RGSL1: variants seen among roughly 807,000 people sequenced by gnomAD.
The protein encoded by RGSL1 is regulator of G protein signaling protein-like.
A neutral mutation model predicts 124.7 loss-of-function variants in RGSL1; 97 were observed. The ratio of observed to expected loss-of-function variants is 0.78; its 90% CI spans 0.66 to 0.92. The LOEUF is 0.92. RGSL1 is among the 40% of genes least tolerant of loss of function. The pLI is 0.00. For synonymous variants in RGSL1, 424 were observed against 438.1 expected (o/e 0.97, Z 0.40); for missense variants, 1,233 against 1,288.4 (o/e 0.96, Z 0.66).
intron 6 of RGSL1, among the ~76,000 whole-genome samples, chr1:182,487,770 A>G (rs1384719267): frequency 2.0e-5 from 3 of 152,198 alleles, no homozygotes; most frequent in Non-Finnish European, 2.9e-5. Flanking sequence ...GCATTTGTCA[A>G]ATGAATGAAT....
At chr1:182,530,709 C>T in intron 12 of RGSL1, 81 bp from the exon 13 acceptor site, 1 of 1,402,042 alleles carries the variant, frequency 7.1e-7, no homozygotes, top group Non-Finnish European at 9.4e-7. Flanking sequence ...CCTCCAGAAG[C>T]TGAGGTAGGT....
chr1:182,509,532 G>T (rs1657172805), intron 9 of RGSL1, among the ~76,000 whole-genome samples: 1 of 105,570 alleles, frequency 9.5e-6, no homozygotes, highest in Admixed American at 8.0e-5. Flanking sequence ...AGCTGGCCGG[G>T]TGGGGGGGCT....
chr1:182,556,152 A>G lies in RGSL1; in HGVS notation c.*95A>G. 2 of 1,245,036 alleles carry G rather than the reference A, an allele frequency of 1.6e-6. No homozygotes were observed. The highest frequency in any genetic ancestry group is 2.3e-6 in the Non-Finnish European group (2 of 888,414). 77.1% of individuals were successfully genotyped at this position (1,245,036 alleles called of 1,614,324 possible). ...GTCAAAAATGAAAGGTCCTGGTACC[A>G]TCTTCCCCAGAAACGATCAAGAAGG... On this transcript the variant is annotated 3_prime_UTR_variant, in exon 21 of 22. Transcript: ENST00000294854.
chr1:182,526,427 G>A (rs1440029840), intron 10 of RGSL1, among the ~76,000 whole-genome samples: 1 of 152,152 alleles, frequency 6.6e-6, no homozygotes, highest in African/African-American at 2.4e-5. Context: ...CGGCACTATG[G>A]GAAGCTGAGG....
At chr1:182,509,843 G>T (rs1179450618) in intron 9 of RGSL1, among the ~76,000 whole-genome samples, 9 of 138,470 alleles carry the variant, frequency 6.5e-5, no homozygotes, top group African/African-American at 1.9e-4. Context: ...CCTCCCGGAC[G>T]GGGTGGCTGC....
intron 2 of RGSL1, among the ~76,000 whole-genome samples, chr1:182,455,318 A>G (rs970494559): frequency 3.3e-5 from 5 of 152,226 alleles, no homozygotes; most frequent in Non-Finnish European, 7.3e-5. Context: ...ACGGTGGCTC[A>G]TGCCTGTAAC....
chr1:182,505,462 A>G (rs1037733611), intron 9 of RGSL1, among the ~76,000 whole-genome samples: 2 of 152,062 alleles, frequency 1.3e-5, no homozygotes, highest in Non-Finnish European at 2.9e-5. Flanking sequence ...GACTTTCCCT[A>G]GTTGTCATAA....
intron 15 of RGSL1, among the ~76,000 whole-genome samples, chr1:182,544,359 G>C (rs1179392325): frequency 6.6e-6 from 1 of 152,018 alleles, no homozygotes; most frequent in African/African-American, 2.4e-5. Context: ...ATCATGGTCA[G>C]ATAGGATTCT....
chr1:182,509,872 A>C (rs1316683819), intron 9 of RGSL1, among the ~76,000 whole-genome samples: 2 of 135,972 alleles, frequency 1.5e-5, no homozygotes, highest in Non-Finnish European at 3.2e-5. Flanking sequence ...GACGCTCCTC[A>C]CTTCCCAGAT....
intron 10 of RGSL1, among the ~76,000 whole-genome samples, chr1:182,527,284 T>C (rs748103897): frequency 2.0e-5 from 3 of 152,190 alleles, no homozygotes; most frequent in Non-Finnish European, 4.4e-5. Context: ...GGAGTCGTTT[T>C]GAACCCATAA....
chr1:182,549,283 A>ATC (rs1221252830), intron 17 of RGSL1: 1 of 156,400 alleles, frequency 6.4e-6, no homozygotes, highest in Non-Finnish European at 1.4e-5. Flanking sequence ...CAGTTGCTAG[A>ATC]TACTCCAATT....
chr1:182,508,666 CTATTTGTTT>C (rs1558336131), intron 9 of RGSL1, among the ~76,000 whole-genome samples: 1 of 39,800 alleles, frequency 2.5e-5, no homozygotes, highest in African/African-American at 1.0e-4. Context: ...TACCTATTGA[CTATTTGTTT>C]TTTTTTTTTT....
chr1:182,501,302 C>CTTTTTTTTTTTTTT, intron 9 of RGSL1, among the ~76,000 whole-genome samples: 1 of 54,276 alleles, frequency 1.8e-5, no homozygotes, highest in Middle Eastern at 0.011. Flanking sequence ...TTTCTTTTTT[C>CTTTTTTTTTTTTTT]TTTTCTTTTT....
At position 182,489,094 on chromosome 1, in the gene RGSL1, G is replaced by A. The variant is rs1383111421; in HGVS notation, c.1609G>A (p.Ala537Thr). ...GTCTCTAGAGTTAAGCCAGGCTTTG[G>A]CTGACATGAAGGAAATGGACTATAG... ...QQSLELSQAL[A>T]DMKEMDYRQW... Residue 537 changes from alanine (A) to threonine (T), a missense_variant, in exon 8 of 22, where the codon GCT becomes ACT. Transcript: ENST00000294854. 6.4e-7 allele frequency: 1 copy of A among 1,551,650 alleles called. No homozygotes were observed. The highest frequency in any genetic ancestry group is 2.0e-5 in the Admixed American group (1 of 51,008).
chr1:182,502,195 C>T (rs537967062), intron 9 of RGSL1, among the ~76,000 whole-genome samples: 68 of 152,114 alleles, frequency 4.5e-4, no homozygotes, highest in African/African-American at 1.6e-3. Flanking sequence ...TTTTTGTTGA[C>T]GGTCTCTATT....
intron 9 of RGSL1, chr1:182,507,344 A>G (rs1656893535): frequency 1.3e-5 from 2 of 152,102 alleles, no homozygotes; most frequent in South Asian, 2.1e-4. Flanking sequence ...ATCAAACCAT[A>G]TATTTATACT....
chr1:182,477,708 T>TCCAG (rs1654405119), intron 6 of RGSL1, among the ~76,000 whole-genome samples: 1 of 152,142 alleles, frequency 6.6e-6, no homozygotes, highest in African/African-American at 2.4e-5. Context: ...CAGGTGCAGC[T>TCCAG]CCAGCTTCAC....
intron 6 of RGSL1, among the ~76,000 whole-genome samples, chr1:182,486,800 C>T (rs1288813515): frequency 6.6e-6 from 1 of 152,158 alleles, no homozygotes; most frequent in Non-Finnish European, 1.5e-5. Context: ...CTCAGCCTCC[C>T]AAGTAGCTGG....
chr1:182,459,087 G>A (rs905124108), intron 3 of RGSL1, among the ~76,000 whole-genome samples: 1 of 152,174 alleles, frequency 6.6e-6, no homozygotes, highest in Non-Finnish European at 1.5e-5. Context: ...GGCAATGTCT[G>A]CAATGGGTGT....
Sources: gnomAD v4.1 joint callset for allele counts (sites outside exome capture counted in the v4.1 genomes callset) on GRCh38, gnomAD v4.1.1 for gene constraint, MANE v1.5 for transcripts, NCBI Gene and HGNC (gene_info 2026-07-23, HGNC 2026-07-21) for gene names.